Variants in GRID1 observed in about 807,000 individuals in gnomAD.
GRID1 encodes glutamate ionotropic receptor delta type subunit 1.
Under a neutral mutation model 98.0 loss-of-function variants are expected in GRID1, and 28 were observed. That is an observed-to-expected ratio of 0.29 (90% CI 0.21 to 0.39). GRID1 has a LOEUF of 0.39. Among genes scored for constraint, GRID1 ranks in the 10% least tolerant of loss-of-function variants. The pLI is 1.00. For missense variants in GRID1, 1,111 were observed against 1,340.5 expected (o/e 0.83, Z 2.67); for synonymous variants, 553 against 538.5 (o/e 1.03, Z -0.37).
At chr10:85,608,937 A>T (rs1185147009) in intron 15 of GRID1, among the ~76,000 whole-genome samples, 1 of 152,198 alleles carries the variant, frequency 6.6e-6, no homozygotes, top group Non-Finnish European at 1.5e-5. Flanking sequence ...TTCCAGCAGA[A>T]GGGAGAGACT....
intron 4 of GRID1, among the ~76,000 whole-genome samples, chr10:86,050,932 A>G (rs1843493676): frequency 6.6e-6 from 1 of 151,354 alleles, no homozygotes; most frequent in South Asian, 2.1e-4. Flanking sequence ...AGGTGCACAG[A>G]GACCTAATCA....
Position 86,067,173 on chromosome 10 carries a change from G to A in GRID1, c.726+71646C>T, listed in dbSNP as rs552601983. Among the ~76,000 whole-genome samples, 7 of 152,318 alleles carry A rather than the reference G, an allele frequency of 4.6e-5. No individual in the cohort carries two copies. The South Asian group carries it at 6.2e-4, about 14-fold the overall frequency. On this transcript the variant is annotated intron_variant, in intron 4 of 15. Coordinates refer to ENST00000327946, the MANE Select transcript of GRID1 (RefSeq NM_017551.3). ...CTGACAAGGGAGTATACACTGAGCC[G>A]TCCCAAGTACTGATAAGGTGTTAAT... is the stretch of plus-strand genomic sequence containing the variant.
chr10:86,265,493 C>T (rs1847090406), intron 2 of GRID1, among the ~76,000 whole-genome samples: 1 of 152,228 alleles, frequency 6.6e-6, no homozygotes, highest in Admixed American at 6.5e-5. Context: ...TATTAAGTGG[C>T]CCAGCGTGGA....
At chr10:85,991,460 T>C (rs1299658926) in intron 4 of GRID1, among the ~76,000 whole-genome samples, 1 of 151,528 alleles carries the variant, frequency 6.6e-6, no homozygotes, top group Non-Finnish European at 1.5e-5. Context: ...CTTGAAGCCA[T>C]TGGTGGAGAT....
intron 4 of GRID1, among the ~76,000 whole-genome samples, chr10:85,949,887 G>T (rs751444844): frequency 1.1e-4 from 17 of 151,738 alleles, no homozygotes; most frequent in Non-Finnish European, 2.4e-4. Flanking sequence ...CATATAAAAA[G>T]AGAGAGAGAG....
At position 86,173,913 on chromosome 10, in the gene GRID1, T is replaced by C. The variant is rs540866212; in HGVS notation, c.520+32451A>G. Among the ~76,000 whole-genome samples the C allele has an allele frequency of 3.0e-4, 45 of 152,294 alleles. No individual in the cohort carries two copies. The South Asian group carries it at 9.1e-3, about 31-fold the overall frequency. On this transcript the variant is annotated intron_variant, in intron 3 of 15. Transcript: ENST00000327946. ...CTACAAAGGACATGAACTCATCATT[T>C]TTTTTTGGCTGCATAGTATTCCATG...
chr10:85,851,478 C>T (rs1178408695), intron 8 of GRID1, among the ~76,000 whole-genome samples: 2 of 152,210 alleles, frequency 1.3e-5, no homozygotes, highest in Non-Finnish European at 2.9e-5. Flanking sequence ...CGATCACCCA[C>T]TCCTTCCCTC....
rs376008397 is a variant in GRID1 at position 86,290,124 on chromosome 10, A to G, written c.235+73817T>C. 3.1e-4 allele frequency among the ~76,000 whole-genome samples: 47 copies of G among 152,358 alleles called. No individual in the cohort carries two copies. The South Asian group carries it at 8.1e-3, about 26-fold the overall frequency. ...TCCCTTTTTTACTTAAACAAGTTTA[A>G]CTGGTATTTTTATCACTTTCAACAA... On this transcript the variant is annotated intron_variant, in intron 2 of 15. Coordinates refer to ENST00000327946, the MANE Select transcript of GRID1 (RefSeq NM_017551.3).
chr10:85,648,604 C>T (rs1457040272), intron 12 of GRID1, among the ~76,000 whole-genome samples: 11 of 152,202 alleles, frequency 7.2e-5, no homozygotes, highest in Middle Eastern at 3.2e-3. Flanking sequence ...TGGCTGTTCT[C>T]CCCACCTGCA....
intron 8 of GRID1, among the ~76,000 whole-genome samples, chr10:85,832,777 C>T (rs1842879676): frequency 6.6e-6 from 1 of 152,100 alleles, no homozygotes; most frequent in South Asian, 2.1e-4. Context: ...TCCAACCAAG[C>T]AACAGAAGAT....
intron 2 of GRID1, among the ~76,000 whole-genome samples, chr10:86,305,485 G>C (rs1847747144): frequency 6.6e-6 from 1 of 152,206 alleles, no homozygotes; most frequent in Non-Finnish European, 1.5e-5. Flanking sequence ...GTGATTCTCA[G>C]ACCTCACTGC....
intron 8 of GRID1, among the ~76,000 whole-genome samples, chr10:85,743,031 C>T (rs1420823117): frequency 2.7e-5 from 4 of 150,776 alleles, no homozygotes; most frequent in Admixed American, 6.6e-5. Flanking sequence ...CCCGACTCCC[C>T]GGCCCCCCAC....
At chr10:86,102,219 TGAC>T (rs1844306639) in intron 4 of GRID1, among the ~76,000 whole-genome samples, 2 of 152,318 alleles carry the variant, frequency 1.3e-5, no homozygotes, top group Non-Finnish European at 2.9e-5. Context: ...TGCCTCAGAA[TGAC>T]AAGCTGCATG....
intron 5 of GRID1, among the ~76,000 whole-genome samples, chr10:85,910,006 G>A (rs991981539): frequency 6.6e-6 from 1 of 152,100 alleles, no homozygotes; most frequent in East Asian, 1.9e-4. Flanking sequence ...TCCATCTAAG[G>A]TCTGATAAAT....
intron 8 of GRID1, among the ~76,000 whole-genome samples, chr10:85,782,666 G>A (rs1842391401): frequency 1.3e-5 from 2 of 152,370 alleles, no homozygotes; most frequent in South Asian, 2.1e-4. Flanking sequence ...GGCATTCTGG[G>A]CTGAGGGAGC....
chr10:85,743,339 A>T (rs1841965973), intron 8 of GRID1, among the ~76,000 whole-genome samples: 1 of 152,160 alleles, frequency 6.6e-6, no homozygotes, highest in Non-Finnish European at 1.5e-5. Context: ...GAGTGACTTT[A>T]GTTAACATTA....
chr10:86,097,906 A>T (rs1334340910), intron 4 of GRID1, among the ~76,000 whole-genome samples: 5 of 152,382 alleles, frequency 3.3e-5, no homozygotes, highest in Admixed American at 2.0e-4. Flanking sequence ...AGAAAAAGAG[A>T]CAGTAATAAA....
intron 6 of GRID1, among the ~76,000 whole-genome samples, chr10:85,859,322 T>C (rs1843142229): frequency 6.6e-6 from 1 of 151,032 alleles, no homozygotes; most frequent in Admixed American, 6.6e-5. Context: ...GGTAAATGGA[T>C]GGATGGATGA....
chr10:86,300,381 C>T (rs1028175780), intron 2 of GRID1, among the ~76,000 whole-genome samples: 3 of 149,698 alleles, frequency 2.0e-5, no homozygotes, highest in African/African-American at 7.4e-5. Context: ...GCAGGAGGAT[C>T]GCTTGAGCCC....
Sources: allele counts gnomAD v4.1 joint callset (sites outside exome capture counted in the v4.1 genomes callset), GRCh38; gene constraint gnomAD v4.1.1; transcripts MANE v1.5; gene names NCBI Gene and HGNC (gene_info 2026-07-23, HGNC 2026-07-21).